MAD1L1: variants seen among roughly 807,000 people sequenced by gnomAD.
MAD1L1 encodes the protein mitotic arrest deficient 1 like 1, also known as mitotic spindle assembly checkpoint protein MAD1.
MAD1L1 carries 95 observed loss-of-function variants against 96.9 expected under a neutral mutation model. The ratio of observed to expected loss-of-function variants is 0.98; its 90% confidence interval spans 0.83 to 1.16. MAD1L1 has a LOEUF of 1.16. MAD1L1 is among the 50% of genes most tolerant of loss of function. The pLI is 0.00. For missense variants in MAD1L1, 1,007 were observed against 954.4 expected (o/e 1.06, Z -0.73); for synonymous variants, 473 against 396.6 (o/e 1.19, Z -2.29).
At chr7:2,118,909 T>C (rs1045389002) in intron 11 of MAD1L1, among the ~76,000 whole-genome samples, 1 of 152,162 alleles carries the variant, frequency 6.6e-6, no homozygotes, top group Non-Finnish European at 1.5e-5. Flanking sequence ...ACCCCGCGAT[T>C]GTGCCTCCCG....
intron 11 of MAD1L1, among the ~76,000 whole-genome samples, chr7:2,126,370 T>C (rs1172200307): frequency 2.6e-5 from 4 of 152,056 alleles, no homozygotes; most frequent in Admixed American, 6.5e-5. Context: ...CACTCGGGCA[T>C]GCACAGAAAG....
chr7:2,021,175 T>C (rs1345668638), intron 12 of MAD1L1, among the ~76,000 whole-genome samples: 1 of 152,156 alleles, frequency 6.6e-6, no homozygotes, highest in African/African-American at 2.4e-5. Context: ...GCCGTGATAA[T>C]GGCCGAGATT....
At chr7:1,918,251 T>C (rs1207120978) in intron 17 of MAD1L1, among the ~76,000 whole-genome samples, 2 of 152,158 alleles carry the variant, frequency 1.3e-5, no homozygotes, top group Non-Finnish European at 2.9e-5. Flanking sequence ...TCTCTGGCCC[T>C]GCTGCAGTGA....
intron 16 of MAD1L1, among the ~76,000 whole-genome samples, chr7:1,944,425 AG>A (rs368882575): frequency 9.2e-5 from 14 of 152,306 alleles, no homozygotes; most frequent in African/African-American, 3.1e-4. Context: ...GAGAAACAGC[AG>A]GAAGCGTGGA....
At chr7:2,074,364 G>C (rs1785280095) in intron 11 of MAD1L1, among the ~76,000 whole-genome samples, 1 of 152,098 alleles carries the variant, frequency 6.6e-6, no homozygotes, top group Non-Finnish European at 1.5e-5. Context: ...CCCAGCCCTT[G>C]GGCTGTGGGA....
At chr7:2,200,703 C>T (rs985667872) in intron 10 of MAD1L1, 1 of 152,270 alleles carries the variant, frequency 6.6e-6, no homozygotes, top group Admixed American at 6.5e-5. Flanking sequence ...CCCGCTCTCC[C>T]CACCGCGGCT....
At chr7:2,094,164 C>G (rs563654628) in intron 11 of MAD1L1, among the ~76,000 whole-genome samples, 1 of 152,220 alleles carries the variant, frequency 6.6e-6, no homozygotes, top group Non-Finnish European at 1.5e-5. Context: ...GTGGCCTCAA[C>G]GCCAGCCACA....
intron 13 of MAD1L1, among the ~76,000 whole-genome samples, chr7:2,006,433 G>A (rs1259649002): frequency 2.0e-5 from 3 of 152,164 alleles, no homozygotes; most frequent in Non-Finnish European, 4.4e-5. Flanking sequence ...GCTCACAGCA[G>A]AGTCCCAGCA....
At chr7:2,123,361 C>G (rs983362039) in intron 11 of MAD1L1, among the ~76,000 whole-genome samples, 2 of 150,522 alleles carry the variant, frequency 1.3e-5, no homozygotes, top group African/African-American at 2.4e-5. Context: ...TGAGATGAAA[C>G]TGCACGCTAC....
At chr7:1,960,060 G>A (rs987580583) in intron 15 of MAD1L1, among the ~76,000 whole-genome samples, 1 of 152,036 alleles carries the variant, frequency 6.6e-6, no homozygotes, top group African/African-American at 2.4e-5. Flanking sequence ...CCAACACTGT[G>A]GCTGTAAGGT....
intron 14 of MAD1L1, among the ~76,000 whole-genome samples, chr7:1,983,144 GCGCGCGCGCGCACACA>G (rs1181684571): frequency 1.5e-3 from 70 of 48,200 alleles, no homozygotes; most frequent in African/African-American, 5.1e-3. Flanking sequence ...GCGCGCGCGC[GCGCGCGCGCGCACACA>G]CACACACACA....
chr7:1,918,981 CCCCA>C (rs1788599544), intron 17 of MAD1L1, among the ~76,000 whole-genome samples: 1 of 152,236 alleles, frequency 6.6e-6, no homozygotes, highest in Admixed American at 6.5e-5. Context: ...CTCTGGGTCA[CCCCA>C]GGCTCTGGCG....
intron 11 of MAD1L1, among the ~76,000 whole-genome samples, chr7:2,069,853 C>T (rs1397704712): frequency 6.6e-6 from 1 of 152,260 alleles, no homozygotes; most frequent in Non-Finnish European, 1.5e-5. Context: ...CCCAAGAGGC[C>T]TCTCCCTGTC....
chr7:2,127,531 G>GA (rs1788290435), intron 11 of MAD1L1, among the ~76,000 whole-genome samples: 1 of 152,188 alleles, frequency 6.6e-6, no homozygotes, highest in African/African-American at 2.4e-5. Flanking sequence ...CGGTAGGAAA[G>GA]ACCAAGGTCC....
chr7:1,980,712 C>CT (rs778249506), intron 14 of MAD1L1, 171 bp from the exon 15 acceptor site: 11 of 708,096 alleles, frequency 1.6e-5, no homozygotes, highest in South Asian at 4.5e-5. Flanking sequence ...AGACAGCACT[C>CT]TAACTTTGCA....
At chr7:1,946,560 T>A (rs1319744972) in intron 16 of MAD1L1, among the ~76,000 whole-genome samples, 3 of 152,276 alleles carry the variant, frequency 2.0e-5, no homozygotes, top group East Asian at 1.9e-4. Context: ...TTTGATGCGA[T>A]GGTGCAATCA....
At chr7:1,878,999 T>C (rs1785533319) in intron 18 of MAD1L1, among the ~76,000 whole-genome samples, 1 of 151,902 alleles carries the variant, frequency 6.6e-6, no homozygotes, top group Non-Finnish European at 1.5e-5. Flanking sequence ...CATTGGAAAA[T>C]AAAAATTTTA....
At chr7:2,184,663 G>A (rs912606833) in intron 10 of MAD1L1, among the ~76,000 whole-genome samples, 4 of 152,114 alleles carry the variant, frequency 2.6e-5, no homozygotes, top group Non-Finnish European at 4.4e-5. Context: ...AGATGTCCTC[G>A]GACAGCAAAC....
intron 18 of MAD1L1, among the ~76,000 whole-genome samples, chr7:1,892,596 C>T (rs1402511484): frequency 6.6e-6 from 1 of 152,250 alleles, no homozygotes; most frequent in Admixed American, 6.5e-5. Flanking sequence ...ATAAAAAAAG[C>T]TGTGGATTTT....
Sources: allele counts gnomAD v4.1 joint callset (sites outside exome capture counted in the v4.1 genomes callset), GRCh38; gene constraint gnomAD v4.1.1; transcripts MANE v1.5; gene names NCBI Gene and HGNC (gene_info 2026-07-23, HGNC 2026-07-21).